The following FBXO42 variants were observed in gnomAD, a reference collection of about 807,000 sequenced individuals.
FBXO42 encodes F-box only protein 42.
In FBXO42, 12 loss-of-function variants were observed where a neutral mutation model predicts 71.7. The ratio of observed to expected loss-of-function variants is 0.17; its 90% CI spans 0.11 to 0.27. The LOEUF is 0.27. Ranked by LOEUF, FBXO42 falls within the 10% of genes least tolerant of loss-of-function variation. The pLI is 1.00. For synonymous variants in FBXO42, 325 were observed against 327.5 expected (o/e 0.99, Z 0.08); for missense variants, 707 against 911.9 (o/e 0.78, Z 2.89).
rs187627362 is a variant in FBXO42 at position 16,347,344 on chromosome 1, C to T, written c.-18+4911G>A. ...TAGCCTGGCCAACATGGTGAAACCC[C>T]GTGTCTACTAAAAATACAAAATTAG... is the stretch of plus-strand genomic sequence containing the variant. On this transcript the variant is annotated intron_variant, in intron 1 of 9. Coordinates refer to ENST00000375592, the MANE Select transcript of FBXO42 (RefSeq NM_018994.3). 1.3e-3 allele frequency among the ~76,000 whole-genome samples: 204 copies of T among 151,476 alleles called. 1 individual carries two copies. Among genetic ancestry groups the T allele is most frequent in the Middle Eastern group, 6.9e-3 (2 of 288 alleles).
intron 1 of FBXO42, among the ~76,000 whole-genome samples, chr1:16,316,501 T>G (rs1014560463): frequency 3.7e-4 from 56 of 152,024 alleles, no homozygotes; most frequent in African/African-American, 1.3e-3. Flanking sequence ...TTTGGGATTC[T>G]GAGGCCGGCA....
chr1:16,350,771 A>C (rs988512135), intron 1 of FBXO42, among the ~76,000 whole-genome samples: 2 of 149,524 alleles, frequency 1.3e-5, no homozygotes, highest in Non-Finnish European at 1.5e-5. Flanking sequence ...GAAAGAAAGA[A>C]AGAAAGAAAG....
intron 4 of FBXO42, among the ~76,000 whole-genome samples, chr1:16,288,194 G>A (rs1408850356): frequency 6.6e-6 from 1 of 151,368 alleles, no homozygotes; most frequent in Non-Finnish European, 1.5e-5. Context: ...AATCCCAGGA[G>A]GCCGAGGCAG....
At chr1:16,326,119 G>A (rs910270968) in intron 1 of FBXO42, among the ~76,000 whole-genome samples, 2 of 149,668 alleles carry the variant, frequency 1.3e-5, no homozygotes, top group East Asian at 2.1e-4. Context: ...GCAATGGCAC[G>A]ATCTCGGCTC....
intron 2 of FBXO42, among the ~76,000 whole-genome samples, chr1:16,306,309 G>A (rs1414748607): frequency 2.6e-5 from 4 of 152,042 alleles, no homozygotes; most frequent in Non-Finnish European, 4.4e-5. Context: ...GAGCCACCGC[G>A]CCCAGCCTAT....
At chr1:16,312,161 C>T (rs1211094276) in intron 2 of FBXO42, among the ~76,000 whole-genome samples, 1 of 152,058 alleles carries the variant, frequency 6.6e-6, no homozygotes, top group African/African-American at 2.4e-5. Context: ...GAGTTTCACA[C>T]CAGTCTAGGT....
At chr1:16,253,594 G>A (rs755678090) in intron 7 of FBXO42, 41 bp downstream of exon 7, 12 of 1,586,444 alleles carry the variant, frequency 7.6e-6, no homozygotes, top group African/African-American at 4.0e-5. Context: ...ACTGAAAGAC[G>A]CTACAGTGTT....
intron 4 of FBXO42, among the ~76,000 whole-genome samples, chr1:16,272,992 T>C (rs940822384): frequency 1.3e-5 from 2 of 152,192 alleles, no homozygotes; most frequent in Non-Finnish European, 2.9e-5. Flanking sequence ...GCCTGACCTC[T>C]CAACCAAAGA....
chr1:16,324,927 T>C (rs2082438346), intron 1 of FBXO42, among the ~76,000 whole-genome samples: 1 of 152,056 alleles, frequency 6.6e-6, no homozygotes, highest in African/African-American at 2.4e-5. Flanking sequence ...TAAACTGATA[T>C]CCTTTGCCAC....
chr1:16,263,056 T>C (rs1448155569), intron 4 of FBXO42, among the ~76,000 whole-genome samples: 1 of 152,066 alleles, frequency 6.6e-6, no homozygotes, highest in Non-Finnish European at 1.5e-5. Flanking sequence ...AGTGGAGTTC[T>C]GGAAAACAAA....
intron 3 of FBXO42, among the ~76,000 whole-genome samples, chr1:16,297,683 A>C (rs1471229485): frequency 4.0e-5 from 6 of 151,162 alleles, no homozygotes; most frequent in Non-Finnish European, 7.4e-5. Flanking sequence ...AACACAGTGG[A>C]AACCCCATCT....
At chr1:16,269,378 CGA>C (rs2100468282) in intron 4 of FBXO42, among the ~76,000 whole-genome samples, 2 of 150,682 alleles carry the variant, frequency 1.3e-5, no homozygotes, top group East Asian at 3.9e-4. Context: ...TATAAACCAC[CGA>C]ACCCAGACTT....
intron 4 of FBXO42, among the ~76,000 whole-genome samples, chr1:16,279,262 T>C (rs955030943): frequency 1.3e-5 from 2 of 152,226 alleles, no homozygotes; most frequent in African/African-American, 2.4e-5. Context: ...TTTTAGAGAA[T>C]AGCCCTAAAA....
chr1:16,282,228 T>C (rs1023321049), intron 4 of FBXO42, among the ~76,000 whole-genome samples: 7 of 143,566 alleles, frequency 4.9e-5, no homozygotes, highest in African/African-American at 2.1e-4. Context: ...TTCTTTTTTT[T>C]TTTTTTCTTT....
At chr1:16,339,862 G>A (rs2082585690) in intron 1 of FBXO42, among the ~76,000 whole-genome samples, 1 of 152,178 alleles carries the variant, frequency 6.6e-6, no homozygotes, top group Non-Finnish European at 1.5e-5. Context: ...GTCTGAGGTA[G>A]AGGATCACTT....
chr1:16,263,731 AAAAC>A (rs2081739574), intron 4 of FBXO42, among the ~76,000 whole-genome samples: 1 of 131,426 alleles, frequency 7.6e-6, no homozygotes, highest in South Asian at 2.5e-4. Flanking sequence ...CTCAAGGAAA[AAAAC>A]AAAAAAAAAC....
Position 16,340,400 on chromosome 1 carries a change from C to T in FBXO42, c.-18+11855G>A, listed in dbSNP as rs189450929. Among the ~76,000 whole-genome samples, 321 of 152,006 alleles carry T rather than the reference C, an allele frequency of 2.1e-3. 5 individuals are homozygous for T. Among genetic ancestry groups the T allele is most frequent in the Admixed American group, 0.021 (317 of 15,252 alleles). ...ATAGTGCCATCTCGGCTCACTGCAG[C>T]CTCCGCCTCTCCCAGGTTCATGCAA... On this transcript the variant is annotated intron_variant, in intron 1 of 9. Transcript: ENST00000375592.
intron 3 of FBXO42, among the ~76,000 whole-genome samples, chr1:16,296,574 C>T (rs1045025874): frequency 8.8e-5 from 13 of 148,144 alleles, no homozygotes; most frequent in Admixed American, 7.5e-4. Context: ...CGCTTGAACC[C>T]GGGAGGCGGA....
chr1:16,302,934 A>G (rs1046889719), intron 3 of FBXO42, among the ~76,000 whole-genome samples: 1 of 152,158 alleles, frequency 6.6e-6, no homozygotes, highest in African/African-American at 2.4e-5. Context: ...ACACATGGGG[A>G]TTACCACTGG....
Sources: gnomAD v4.1 joint callset for allele counts (sites outside exome capture counted in the v4.1 genomes callset) on GRCh38, gnomAD v4.1.1 for gene constraint, MANE v1.5 for transcripts, NCBI Gene and HGNC (gene_info 2026-07-23, HGNC 2026-07-21) for gene names.